FAR2: variants seen among roughly 807,000 people sequenced by gnomAD.
The protein encoded by FAR2 is epididymis secretory protein Li 81.
In FAR2, 19 loss-of-function variants were observed where a neutral mutation model predicts 56.0. The ratio of observed to expected loss-of-function variants is 0.34; its 90% confidence interval spans 0.24 to 0.50. The LOEUF is 0.50. FAR2 is among the 20% of genes least tolerant of loss of function. FAR2 has a pLI of 0.98. For missense variants in FAR2, 508 were observed against 642.2 expected, an observed-to-expected ratio of 0.79 and a Z score of 2.26; for synonymous variants, 219 against 218.8, an observed-to-expected ratio of 1.00 and a Z score of -0.01.
At chr12:29,297,370 A>ATT (rs1949088830) in intron 4 of FAR2, among the ~76,000 whole-genome samples, 170 bp downstream of exon 4, 1 of 152,218 alleles carries the variant, frequency 6.6e-6, no homozygotes, top group Non-Finnish European at 1.5e-5. Context: ...GGTGGGGAAT[A>ATT]TACTGCTAAA....
At chr12:29,273,660 G>C (rs374735228) in intron 2 of FAR2, among the ~76,000 whole-genome samples, 1 of 152,226 alleles carries the variant, frequency 6.6e-6, no homozygotes, top group Admixed American at 6.5e-5. Flanking sequence ...AGCAGGTGAT[G>C]GCAGCCAGGG....
At position 29,329,522 on chromosome 12, in the gene FAR2, AT is replaced by A. The variant is rs201528620; in HGVS notation, c.1258-3077del. Among the ~76,000 whole-genome samples the A allele has an allele frequency of 1.1e-3, 170 of 152,348 alleles. 4 individuals are homozygous for A. In the East Asian group the frequency reaches 0.032, roughly 28 times the overall value. ...AATTCAGTTTGAATTGCCATATGGA[AT>A]CAGGATTCTGAACAGGGCCACTTTG... is the stretch of plus-strand genomic sequence containing the variant. On this transcript the variant is annotated intron_variant, in intron 10 of 11. Coordinates refer to ENST00000536681, the MANE Select transcript of FAR2 (RefSeq NM_001271783.2).
chr12:29,261,095 C>A (rs1396690025), intron 1 of FAR2, among the ~76,000 whole-genome samples: 2 of 152,156 alleles, frequency 1.3e-5, no homozygotes, highest in East Asian at 3.9e-4. Flanking sequence ...CATCCAGATA[C>A]CAAAGAACAT....
chr12:29,172,898 G>A (rs1016235541), intron 1 of FAR2, among the ~76,000 whole-genome samples: 4 of 152,192 alleles, frequency 2.6e-5, no homozygotes, highest in African/African-American at 9.7e-5. Context: ...GATCTGAGTT[G>A]AGGTCCCAGT....
At chr12:29,176,675 T>C (rs922138220) in intron 1 of FAR2, among the ~76,000 whole-genome samples, 1 of 152,228 alleles carries the variant, frequency 6.6e-6, no homozygotes, top group African/African-American at 2.4e-5. Context: ...GAGGAAATGA[T>C]GCTATAAATA....
intron 1 of FAR2, among the ~76,000 whole-genome samples, chr12:29,220,405 A>G (rs367723277): frequency 6.6e-6 from 1 of 152,170 alleles, no homozygotes; most frequent in Non-Finnish European, 1.5e-5. Context: ...ATTTGTAGTA[A>G]TCCTTAAGAG....
intron 1 of FAR2, among the ~76,000 whole-genome samples, chr12:29,253,805 T>C (rs1948272582): frequency 6.6e-6 from 1 of 152,220 alleles, no homozygotes; most frequent in South Asian, 2.1e-4. Context: ...TTTATAATGC[T>C]TTACATTTAG....
intron 1 of FAR2, among the ~76,000 whole-genome samples, chr12:29,173,699 A>G (rs1029692030): frequency 1.3e-5 from 2 of 151,928 alleles, no homozygotes; most frequent in Non-Finnish European, 2.9e-5. Flanking sequence ...TTGATACCTG[A>G]GTGTTTCCCA....
chr12:29,297,006 C>T lies in FAR2; in HGVS notation c.366-15C>T. The T allele has an allele frequency of 6.3e-7, 1 of 1,579,828 alleles. No homozygotes were observed. Among genetic ancestry groups the T allele is most frequent in the Non-Finnish European group, 8.6e-7 (1 of 1,165,508 alleles). ...ACTTACTTCATTGTATTTCCTTCTGCTTAATCTTCTCTAGACATGCTGTGC... is the reference window on the plus strand; with the variant it reads ...ACTTACTTCATTGTATTTCCTTCTGTTTAATCTTCTCTAGACATGCTGTGC... On this transcript the variant is annotated splice_polypyrimidine_tract_variant and intron_variant, in intron 3 of 11. Coordinates refer to ENST00000536681, the MANE Select transcript of FAR2 (RefSeq NM_001271783.2).
intron 1 of FAR2, among the ~76,000 whole-genome samples, chr12:29,180,882 T>A (rs1949985862): frequency 1.3e-5 from 2 of 152,274 alleles, no homozygotes; most frequent in African/African-American, 4.8e-5. Context: ...TTTCTTCTCA[T>A]AATCCTTCTG....
intron 1 of FAR2, among the ~76,000 whole-genome samples, chr12:29,194,356 GA>G (rs1950127452): frequency 1.3e-5 from 2 of 152,098 alleles, no homozygotes; most frequent in Non-Finnish European, 2.9e-5. Flanking sequence ...GTGAAAAATT[GA>G]TGTTTAAGCT....
intron 1 of FAR2, among the ~76,000 whole-genome samples, chr12:29,172,932 T>A (rs1949902669): frequency 6.6e-6 from 1 of 152,188 alleles, no homozygotes; most frequent in African/African-American, 2.4e-5. Context: ...GGGGATGGCT[T>A]GCTGACTGGT....
rs774863756 is a variant in FAR2, at chr12:29,321,744, T to C, written c.1128-51T>C. The C allele has an allele frequency of 3.8e-6, 6 of 1,589,530 alleles. No homozygotes were observed. The African/African-American group carries it at 6.7e-5, about 18-fold the overall frequency. On this transcript the variant is annotated intron_variant, in intron 9 of 11. Transcript: ENST00000536681. ...TAATTTCTCATACATCCCTGTAGAG[T>C]GACAGGGAAGTGGTGCGCTGATATT...
chr12:29,196,492 G>A (rs968896818), intron 1 of FAR2, among the ~76,000 whole-genome samples: 1 of 151,944 alleles, frequency 6.6e-6, no homozygotes, highest in Non-Finnish European at 1.5e-5. Context: ...GTCTTCTTTT[G>A]AAAAATATCT....
chr12:29,317,356 C>T (rs1285189977), intron 9 of FAR2, among the ~76,000 whole-genome samples: 1 of 152,120 alleles, frequency 6.6e-6, no homozygotes, highest in Admixed American at 6.5e-5. Context: ...GTGTATGAAA[C>T]AGAAATGAAT....
At chr12:29,326,881 T>C (rs1393535435) in intron 10 of FAR2, among the ~76,000 whole-genome samples, 1 of 152,052 alleles carries the variant, frequency 6.6e-6, no homozygotes, top group African/African-American at 2.4e-5. Flanking sequence ...CTATTCAACA[T>C]AGTGTTGGAA....
At chr12:29,199,303 T>C (rs1288034072) in intron 1 of FAR2, among the ~76,000 whole-genome samples, 1 of 151,970 alleles carries the variant, frequency 6.6e-6, no homozygotes, top group Non-Finnish European at 1.5e-5. Context: ...CATATATGCA[T>C]TTTGAAAAGA....
intron 1 of FAR2, among the ~76,000 whole-genome samples, chr12:29,169,360 T>C (rs2136585213): frequency 6.6e-6 from 1 of 152,242 alleles, no homozygotes; most frequent in Non-Finnish European, 1.5e-5. Flanking sequence ...TTGAGCTCAT[T>C]TGGGGTTCCA....
At position 29,321,810 on chromosome 12, in the gene FAR2, G is replaced by C; in HGVS notation, c.1143G>C (p.Met381Ile). Residue 381 changes from methionine (M) to isoleucine (I), a missense_variant, in exon 10 of 12, where the codon ATG (methionine) becomes ATC (isoleucine). Coordinates refer to ENST00000536681, the MANE Select transcript of FAR2 (RefSeq NM_001271783.2). Reference sequence around the variant, plus strand: ...GTTATCTCAGGATGACAAAGCTCATGAATCGGCTTTTAAGAACTGTTTCCA... The same window carrying C: ...GTTATCTCAGGATGACAAAGCTCATCAATCGGCTTTTAAGAACTGTTTCCA... Reference protein sequence around the residue: ...TGRKPRMTKLMNRLLRTVSML... With the variant: ...TGRKPRMTKLINRLLRTVSML... 6.2e-7 allele frequency: 1 copy of C among 1,613,488 alleles called. No homozygotes were observed.
Sources: gnomAD v4.1 joint callset for allele counts (sites outside exome capture counted in the v4.1 genomes callset) on GRCh38, gnomAD v4.1.1 for gene constraint, MANE v1.5 for transcripts, NCBI Gene and HGNC (gene_info 2026-07-23, HGNC 2026-07-21) for gene names.